The following TMEM41A variants were observed in gnomAD, a reference collection of about 807,000 sequenced individuals.
TMEM41A encodes transmembrane protein 41A.
Under a neutral mutation model 25.7 loss-of-function variants are expected in TMEM41A, and 20 were observed. The observed-to-expected ratio is 0.78, with a 90% CI of 0.55 to 1.13. The LOEUF is 1.13. TMEM41A is among the 50% of genes most tolerant of loss of function. The pLI, the probability that TMEM41A is intolerant of heterozygous loss-of-function variation, is 0.00. For missense variants in TMEM41A, 299 were observed against 314.3 expected (o/e 0.95, Z 0.37); for synonymous variants, 133 against 139.6 (o/e 0.95, Z 0.33).
chr3:185,498,927 G>A lies in TMEM41A; in HGVS notation c.35C>T (p.Ala12Val), dbSNP rs1577654189. Residue 12 changes from alanine to valine, a missense_variant, in exon 1 of 5, where the codon GCC (alanine) becomes GTC (valine). By Grantham distance (64) the Ala-to-Val change is moderately conservative (BLOSUM62 0). Coordinates refer to ENST00000421852, the MANE Select transcript of TMEM41A (RefSeq NM_080652.4). ...RPLLGLLLVFAGCTFALYLLS... is the reference protein window; with the variant it reads ...RPLLGLLLVFVGCTFALYLLS... ...CAAGTACAAGGCGAAGGTGCAGCCG[G>A]CGAAGACCAGAAGGAGGCCGAGAAG... The A allele has an allele frequency of 6.2e-7, 1 of 1,604,332 alleles. No individual in the cohort carries two copies. The highest frequency in any genetic ancestry group is 1.3e-5 in the African/African-American group (1 of 74,570).
In TMEM41A at chr3:185,494,550, G is replaced by T. The variant is rs528955382; in HGVS notation, c.574+73C>A. On this transcript the variant is annotated intron_variant, in intron 4 of 4. Transcript: ENST00000421852. ...TTCTCAGAAGCAGGCACATGCTCAC[G>T]TGGCCAATAACCCAGGGCAGACCCC... 2.0e-5 allele frequency: 29 copies of T among 1,426,728 alleles called. No individual in the cohort carries two copies. The Admixed American group carries it at 5.6e-4, about 28-fold the overall frequency. The allele number at this position is 1,426,728 out of a possible 1,614,324, so 88.4% of individuals were successfully genotyped here. A position where few individuals can be genotyped will look rare whatever the true frequency, so the allele number is the denominator to read the frequency against.
rs1405962077 is a variant in TMEM41A, at chr3:185,494,753, C to A, written c.444G>T (p.Glu148Asp). ...KVALLQRKVE[E>D]NRNSLFFFLL... ...AGAAAAAAAACAAGCTGTTTCTGTT[C>A]TCCTCCACCTGTAGCCAAAGAGAAG... Residue 148 changes from glutamate to aspartate, a missense_variant, in exon 4 of 5, where the codon GAG becomes GAT. Coordinates refer to ENST00000421852, the MANE Select transcript of TMEM41A (RefSeq NM_080652.4). 6.2e-7 allele frequency: 1 copy of A among 1,605,714 alleles called. No individual in the cohort carries two copies. The highest frequency in any genetic ancestry group is 2.2e-5 in the East Asian group (1 of 44,836).
Position 185,499,004 on chromosome 3 carries a change from C to T in TMEM41A, c.-43G>A, listed in dbSNP as rs1370142809. 6 of 1,532,920 alleles carry T rather than the reference C, an allele frequency of 3.9e-6. No homozygotes were observed. Among genetic ancestry groups the T allele is most frequent in the African/African-American group, 1.4e-5 (1 of 72,478 alleles). 95.0% of individuals were successfully genotyped at this position (1,532,920 alleles called of 1,614,324 possible). ...GCCCGCGGGGCAGCCGAGAAGCTCA[C>T]TTGCACTCCGGGACGCAGCGGCGGG... On this transcript the variant is annotated 5_prime_UTR_variant, in exon 1 of 5. In the 5' UTR this introduces an upstream ATG that the reference lacks. Transcript: ENST00000421852.
chr3:185,498,756 C>T (rs1384199392), intron 1 of TMEM41A, 87 bp downstream of exon 1: 11 of 1,009,626 alleles, frequency 1.1e-5, no homozygotes, highest in African/African-American at 1.7e-5. Context: ...GATACCGGAA[C>T]CCGAATCTCC....
rs754567586 is a variant in TMEM41A, at chr3:185,498,868, C to A, written c.94G>T (p.Gly32Cys). ...STRLPRGRRL[G>C]STEEAGGRSL... ...CTGCCTCCAGCCTCCTCGGTGGAGC[C>A]CAGTCTCCGCCCGCGGGGCAGTCGC... The change falls in exon 1 of 5, where the codon GGC (glycine) becomes TGC (cysteine). Residue 32 changes from glycine to cysteine, a missense_variant. Transcript: ENST00000421852. 16 of 1,606,088 alleles carry A rather than the reference C, an allele frequency of 1.0e-5. No individual in the cohort carries two copies. The highest frequency in any genetic ancestry group is 1.3e-5 in the African/African-American group (1 of 74,406).
intron 3 of TMEM41A, 40 bp downstream of exon 3, chr3:185,495,114 G>A: frequency 6.2e-7 from 1 of 1,608,972 alleles, no homozygotes; most frequent in African/African-American, 1.3e-5. Flanking sequence ...CGTAGCGACT[G>A]TCTGGGGTCC....
intron 2 of TMEM41A, chr3:185,495,599 T>G: frequency 2.6e-6 from 1 of 391,270 alleles, no homozygotes; most frequent in Non-Finnish European, 4.7e-6. Context: ...CACCACCACA[T>G]TCACCCACTT....
chr3:185,492,288 C>G (rs1241952605), intron 4 of TMEM41A: 5 of 152,126 alleles, frequency 3.3e-5, no homozygotes, highest in African/African-American at 1.2e-4. Flanking sequence ...GGCGATAGAG[C>G]TAGACTCTGT....
At position 185,495,134 on chromosome 3, in the gene TMEM41A, G is replaced by T; in HGVS notation, c.435+20C>A. On this transcript the variant is annotated intron_variant, in intron 3 of 4. Transcript: ENST00000421852. ...CGACTGTCTGGGGTCCCAGCTCTCA[G>T]ATGTGACCCCTCCCCTTACCTTTCT... 2.5e-6 allele frequency: 4 copies of T among 1,612,550 alleles called. No individual in the cohort carries two copies. The highest frequency in any genetic ancestry group is 1.1e-5 in the South Asian group (1 of 91,032).
Position 185,491,032 on chromosome 3 carries a change from C to G in TMEM41A, c.*505G>C, listed in dbSNP as rs1718934699. On this transcript the variant is annotated 3_prime_UTR_variant, in exon 5 of 5. Coordinates refer to ENST00000421852, the MANE Select transcript of TMEM41A (RefSeq NM_080652.4). The stretch of plus-strand genomic sequence containing the variant: ...TTTTTTGTCAAGACAGTGTCTCACT[C>G]TATCACCCAGGCTGGAGTGCAGTGG... The G allele has an allele frequency of 7.6e-6, 1 of 132,112 alleles. No homozygotes were observed. Among genetic ancestry groups the G allele is most frequent in the Non-Finnish European group, 1.5e-5 (1 of 64,872 alleles). The allele number at this position is 132,112 out of a possible 1,614,324, so 8.2% of individuals were successfully genotyped here.
intron 4 of TMEM41A, 157 bp downstream of exon 4, chr3:185,494,466 G>A: frequency 1.1e-6 from 1 of 879,952 alleles, no homozygotes; most frequent in Non-Finnish European, 1.7e-6. Context: ...GAGCAGATCT[G>A]AAATCAGGAA....
rs1369083949 is a variant in TMEM41A at position 185,491,758 on chromosome 3, C to T, written c.575-1G>A. On this transcript the variant is annotated splice_acceptor_variant, in intron 4 of 4. Coordinates refer to ENST00000421852, the MANE Select transcript of TMEM41A (RefSeq NM_080652.4). LOFTEE classifies it high-confidence loss of function. ...CAGATGAAATTATATGGGATCAAAC[C>T]TGGAAGAAGAAAAGGACAAAGCACC... is the stretch of plus-strand genomic sequence containing the variant. The T allele has an allele frequency of 1.3e-6, 2 of 1,598,038 alleles. No homozygotes were observed. The highest frequency in any genetic ancestry group is 1.3e-5 in the African/African-American group (1 of 74,138).
In TMEM41A at chr3:185,491,251, C is replaced by T; in HGVS notation, c.*286G>A. The T allele has an allele frequency of 1.2e-5, 3 of 244,008 alleles. No individual in the cohort carries two copies. The highest frequency in any genetic ancestry group is 8.0e-6 in the Non-Finnish European group (1 of 124,618). 15.1% of individuals were successfully genotyped at this position (244,008 alleles called of 1,614,324 possible). ...GACCTTGTGAATCACCGGCCTCGGC[C>T]TCCCAAAGTGCTGGGATTACAGGCG... On this transcript the variant is annotated 3_prime_UTR_variant, in exon 5 of 5. Transcript: ENST00000421852.
intron 3 of TMEM41A, 99 bp downstream of exon 3, chr3:185,495,055 A>G (rs1719060549): frequency 7.0e-7 from 1 of 1,422,688 alleles, no homozygotes; most frequent in Admixed American, 1.8e-5. Context: ...AACAGCGTGG[A>G]AGAGTACTGT....
In TMEM41A at chr3:185,494,833, G is replaced by A. The variant is rs116428695; in HGVS notation, c.436-72C>T. 2.9e-4 allele frequency: 439 copies of A among 1,501,482 alleles called. No individual in the cohort carries two copies. The African/African-American group carries it at 5.5e-3, about 19-fold the overall frequency. The allele number at this position is 1,501,482 out of a possible 1,614,324, so 93.0% of individuals were successfully genotyped here. ...AGGTGTTGAAAACCTGCTGGTGCCAGGCACTGTTCTAGACACTTTACATAA... is the reference window on the plus strand; with the variant it reads ...AGGTGTTGAAAACCTGCTGGTGCCAAGCACTGTTCTAGACACTTTACATAA... On this transcript the variant is annotated intron_variant, in intron 3 of 4. Transcript: ENST00000421852.
Position 185,496,849 on chromosome 3 carries a change from G to A in TMEM41A, c.252C>T (p.Ala84=), listed in dbSNP as rs1181060175. The A allele has an allele frequency of 1.2e-6, 2 of 1,607,978 alleles. No homozygotes were observed. The highest frequency in any genetic ancestry group is 1.7e-5 in the Admixed American group (1 of 58,970). Residue 84 remains alanine (A), a synonymous_variant, in exon 2 of 5, where the codon GCC becomes GCT. Coordinates refer to ENST00000421852, the MANE Select transcript of TMEM41A (RefSeq NM_080652.4). ...CGAYLYKQGF[A]IPGSSFLNVL... ...TGACCAGGAAGCTGGAGCCGGGGAT[G>A]GCAAAGCCCTGTTTGTAGAGGTAGG...
In TMEM41A at chr3:185,494,691, C is replaced by T. The variant is rs781005363; in HGVS notation, c.506G>A (p.Trp169Ter). 6.2e-7 allele frequency: 1 copy of T among 1,612,436 alleles called. No homozygotes were observed. The highest frequency in any genetic ancestry group is 1.3e-5 in the African/African-American group (1 of 74,790). ...AATTGGGGCCGAGAGGTTCAAGAAC[C>T]AGTTTGGTGTCATGGGGAAAAGTCT... is the stretch of plus-strand genomic sequence containing the variant. The part of the protein sequence containing the change: ...FLRLFPMTPN[W>*]FLNLSAPILN... Residue 169 changes from tryptophan (W) to a stop codon, truncating the protein, a stop_gained, in exon 4 of 5, where the codon TGG becomes TAG. Transcript: ENST00000421852. LOFTEE classifies it high-confidence loss of function.
At position 185,491,597 on chromosome 3, in the gene TMEM41A, T is replaced by C. The variant is rs1332860312; in HGVS notation, c.735A>G (p.Lys245=). 6.2e-7 allele frequency: 1 copy of C among 1,614,216 alleles called. No individual in the cohort carries two copies. Among genetic ancestry groups the C allele is most frequent in the East Asian group, 2.2e-5 (1 of 44,882 alleles). ...TACTTGTTTCATTCAATTGCAGATG[T>C]TTCTGACTAAATTTTTTAATGAGGG... ...PGTLIKKFSQ[K]HLQLNETSTA... The change falls in exon 5 of 5, where the codon AAA becomes AAG. Residue 245 remains lysine (K), a synonymous_variant. Transcript: ENST00000421852.
rs1718925057 is a variant in TMEM41A, at chr3:185,490,821, C to G, written c.*716G>C. 6.6e-6 allele frequency: 1 copy of G among 152,118 alleles called. No homozygotes were observed. Among genetic ancestry groups the G allele is most frequent in the Admixed American group, 6.6e-5 (1 of 15,262 alleles). The allele number at this position is 152,118 out of a possible 1,614,324, so 9.4% of individuals were successfully genotyped here. A position where few individuals can be genotyped will look rare whatever the true frequency, so the allele number is the denominator to read the frequency against. Reference sequence around the variant, plus strand: ...TTGGTACTAAACATCCACAAAGATGCAACAGGAGGACATCTGTCCCAGCAG... The same window carrying G: ...TTGGTACTAAACATCCACAAAGATGGAACAGGAGGACATCTGTCCCAGCAG... On this transcript the variant is annotated 3_prime_UTR_variant, in exon 5 of 5. Transcript: ENST00000421852.
Sources: gnomAD v4.1 joint callset for allele counts on GRCh38, gnomAD v4.1.1 for gene constraint, MANE v1.5 for transcripts, NCBI Gene and HGNC (gene_info 2026-07-23, HGNC 2026-07-21) for gene names.